MDFIC2: variants seen among roughly 807,000 people sequenced by gnomAD.
MDFIC2 encodes the protein MyoD family inhibitor domain containing 2, also known as myoD family inhibitor domain-containing protein 2.
chr3:70,218,071 A>T (rs1228016940), intron 2 of MDFIC2, among the ~76,000 whole-genome samples: 1 of 152,132 alleles, frequency 6.6e-6, no homozygotes, highest in Non-Finnish European at 1.5e-5. Context: ...TGTGTGCCCA[A>T]TGAACTATGG....
chr3:70,302,029 C>T (rs1013346566), intron 2 of MDFIC2, among the ~76,000 whole-genome samples: 3 of 152,072 alleles, frequency 2.0e-5, no homozygotes, highest in Non-Finnish European at 4.4e-5. Flanking sequence ...AAATTTAGCT[C>T]AAGAAGAAGA....
intron 2 of MDFIC2, among the ~76,000 whole-genome samples, chr3:70,246,650 C>G (rs994793726): frequency 2.0e-5 from 3 of 151,986 alleles, no homozygotes; most frequent in African/African-American, 7.2e-5. Context: ...TTGACAACAA[C>G]CTACATTTAT....
At chr3:70,241,784 G>A (rs912185480) in intron 2 of MDFIC2, among the ~76,000 whole-genome samples, 2 of 152,142 alleles carry the variant, frequency 1.3e-5, no homozygotes, top group Non-Finnish European at 2.9e-5. Flanking sequence ...AACCATTAAT[G>A]TTGAAAATAT....
intron 2 of MDFIC2, chr3:70,291,771 G>A (rs1419563987): frequency 6.6e-6 from 1 of 152,200 alleles, no homozygotes; most frequent in Non-Finnish European, 1.5e-5. Context: ...TTCCCCTCAT[G>A]TAATAGATGC....
At chr3:70,197,305 G>A (rs114036870) in intron 3 of MDFIC2, 120 bp from the exon 4 acceptor site, 14,887 of 396,970 alleles carry the variant, frequency 0.038, 351 homozygotes, top group Middle Eastern at 0.067. Context: ...ATCCACATTA[G>A]GGGTAATGTA....
intron 2 of MDFIC2, among the ~76,000 whole-genome samples, chr3:70,223,841 C>A (rs1701480386): frequency 6.6e-6 from 1 of 152,062 alleles, no homozygotes; most frequent in Admixed American, 6.6e-5. Flanking sequence ...CTTTTAGGCA[C>A]CCTTTTAGAC....
At chr3:70,306,775 C>A (rs935608211) in intron 2 of MDFIC2, among the ~76,000 whole-genome samples, 1 of 152,058 alleles carries the variant, frequency 6.6e-6, no homozygotes, top group Non-Finnish European at 1.5e-5. Context: ...AAATGTCCCA[C>A]TAAAACAATT....
intron 2 of MDFIC2, among the ~76,000 whole-genome samples, chr3:70,224,717 G>GTT (rs540424878): frequency 2.4e-3 from 364 of 148,782 alleles, no homozygotes; most frequent in Non-Finnish European, 4.7e-3. Context: ...TTCACCCTTG[G>GTT]TTTTTTTTTT....
intron 2 of MDFIC2, among the ~76,000 whole-genome samples, chr3:70,280,135 C>A (rs1386193123): frequency 1.3e-5 from 2 of 152,076 alleles, no homozygotes; most frequent in African/African-American, 4.8e-5. Flanking sequence ...CTGGGGGCTG[C>A]CTGCATTTCC....
intron 2 of MDFIC2, among the ~76,000 whole-genome samples, chr3:70,285,473 T>C (rs985365475): frequency 2.6e-5 from 4 of 151,980 alleles, no homozygotes; most frequent in African/African-American, 9.7e-5. Flanking sequence ...GACATTTGGG[T>C]TGGTTCCAAG....
Position 70,274,090 on chromosome 3 carries a change from T to TGTGTGTGTGTGCGC in MDFIC2, c.88+37795_88+37796insGCGCACACACACAC, listed in dbSNP as rs770689062. On this transcript the variant is annotated intron_variant, in intron 2 of 3. Transcript: ENST00000567252. ...GTGTGTGTGTGTGTGTGTGTGTGTG[T>TGTGTGTGTGTGCGC]GCGCGCGCGCATGTGTGTGTGTGAG... Among the ~76,000 whole-genome samples, 9 of 145,062 alleles carry TGTGTGTGTGTGCGC rather than the reference T, an allele frequency of 6.2e-5. No individual in the cohort carries two copies. The South Asian group carries it at 2.0e-3, about 32-fold the overall frequency.
chr3:70,309,449 CAG>C (rs1328562801), intron 2 of MDFIC2, among the ~76,000 whole-genome samples: 2 of 151,984 alleles, frequency 1.3e-5, no homozygotes, highest in African/African-American at 2.4e-5. Flanking sequence ...GGGAAAAAAA[CAG>C]AGAAGTAATG....
At chr3:70,209,075 A>G (rs1174577647) in intron 2 of MDFIC2, among the ~76,000 whole-genome samples, 1 of 152,110 alleles carries the variant, frequency 6.6e-6, no homozygotes, top group Admixed American at 6.6e-5. Context: ...GATGGTGATG[A>G]AAATCATAAT....
intron 2 of MDFIC2, among the ~76,000 whole-genome samples, chr3:70,237,278 G>A (rs1412124316): frequency 2.0e-5 from 3 of 152,160 alleles, no homozygotes. Context: ...ATATTCTCCA[G>A]TGCGGATACA....
At chr3:70,278,871 T>G (rs1363393067) in intron 2 of MDFIC2, among the ~76,000 whole-genome samples, 1 of 151,808 alleles carries the variant, frequency 6.6e-6, no homozygotes, top group Admixed American at 6.6e-5. Context: ...TAAAAACAAA[T>G]GAAATAACAA....
At chr3:70,230,753 C>A (rs117136186) in intron 2 of MDFIC2, among the ~76,000 whole-genome samples, 1 of 152,186 alleles carries the variant, frequency 6.6e-6, no homozygotes, top group Non-Finnish European at 1.5e-5. Flanking sequence ...TGCCTTCACC[C>A]TCCTTGAGTT....
intron 2 of MDFIC2, among the ~76,000 whole-genome samples, chr3:70,234,749 C>T (rs890833824): frequency 6.6e-6 from 1 of 152,130 alleles, no homozygotes. Flanking sequence ...TACTCACAGA[C>T]CAACTTTTCT....
chr3:70,218,388 A>G (rs1040274825), intron 2 of MDFIC2, among the ~76,000 whole-genome samples: 2 of 152,094 alleles, frequency 1.3e-5, no homozygotes, highest in African/African-American at 4.8e-5. Context: ...TCCCTTTTTT[A>G]CTAGTAAAGG....
intron 2 of MDFIC2, among the ~76,000 whole-genome samples, chr3:70,251,046 T>G (rs566513085): frequency 1.8e-4 from 28 of 152,318 alleles, no homozygotes; most frequent in African/African-American, 6.5e-4. Flanking sequence ...ACTTAGAGAA[T>G]ATGCTGTACA....
Sources: gnomAD v4.1 joint callset for allele counts (sites outside exome capture counted in the v4.1 genomes callset) on GRCh38, gnomAD v4.1.1 for gene constraint, MANE v1.5 for transcripts, NCBI Gene and HGNC (gene_info 2026-07-23, HGNC 2026-07-21) for gene names.